Variants in LRRTM4 observed in about 807,000 individuals in gnomAD.
LRRTM4 encodes the protein leucine rich repeat transmembrane neuronal 4.
Under a neutral mutation model 47.6 loss-of-function variants are expected in LRRTM4, and 25 were observed. That is an observed-to-expected ratio of 0.53 (90% confidence interval 0.38 to 0.73). The LOEUF is 0.73. Ranked by LOEUF, LRRTM4 falls within the 30% of genes least tolerant of loss-of-function variation. The pLI, the probability that LRRTM4 is intolerant of heterozygous loss-of-function variation, is 0.00. For synonymous variants in LRRTM4, 311 were observed against 269.5 expected, an observed-to-expected ratio of 1.15 and a Z score of -1.51; for missense variants, 638 against 713.4, an observed-to-expected ratio of 0.89 and a Z score of 1.20.
chr2:77,062,954 TC>T (rs1261072071), intron 3 of LRRTM4, among the ~76,000 whole-genome samples: 2 of 101,436 alleles, frequency 2.0e-5, no homozygotes, highest in Non-Finnish European at 3.6e-5. Context: ...ATTATTATTA[TC>T]TTTTTTTTTT....
In LRRTM4 at chr2:76,942,676, C is replaced by CTGTGTGTGTG. The variant is rs61077287; in HGVS notation, c.1552-193770_1552-193761dup. 2.6e-3 allele frequency among the ~76,000 whole-genome samples: 392 copies of CTGTGTGTGTG among 148,308 alleles called. 1 individual carries two copies. The highest frequency in any genetic ancestry group is 4.9e-3 in the Admixed American group (73 of 14,858). ...GGTCAAGTAACCAACCTCTAGGAAT[C>CTGTGTGTGTG]TGTGTGTGTGTGTGTGTGTGTGTGT... On this transcript the variant is annotated intron_variant, in intron 3 of 3. Transcript: ENST00000409884.
chr2:77,479,046 C>T (rs1035175687), intron 3 of LRRTM4, among the ~76,000 whole-genome samples: 10 of 152,066 alleles, frequency 6.6e-5, no homozygotes, highest in Non-Finnish European at 1.0e-4. Flanking sequence ...AGGCATGTGC[C>T]ACCATGCCTG....
At chr2:76,964,877 TGG>T (rs1675973489) in intron 3 of LRRTM4, among the ~76,000 whole-genome samples, 1 of 150,846 alleles carries the variant, frequency 6.6e-6, no homozygotes, top group Non-Finnish European at 1.5e-5. Context: ...AATTTTCCCA[TGG>T]ACATTAAAAT....
At chr2:77,285,149 T>G (rs923327453) in intron 3 of LRRTM4, among the ~76,000 whole-genome samples, 2 of 151,762 alleles carry the variant, frequency 1.3e-5, no homozygotes, top group African/African-American at 4.8e-5. Context: ...GTGGGTTGTT[T>G]TCCTGCTCTT....
Position 77,513,901 on chromosome 2 carries a change from C to T in LRRTM4, c.1551+4417G>A, listed in dbSNP as rs183923926. Among the ~76,000 whole-genome samples the T allele has an allele frequency of 2.6e-3, 389 of 152,044 alleles. 3 individuals carry two copies. The highest frequency in any genetic ancestry group is 9.1e-3 in the African/African-American group (379 of 41,494). ...TTTTTCAGATATGATAATACATTTA[C>T]CTTAAGGGCCATATTCCTAACTAAA... is the stretch of plus-strand genomic sequence containing the variant. On this transcript the variant is annotated intron_variant, in intron 3 of 3. Coordinates refer to ENST00000409884, the MANE Select transcript of LRRTM4 (RefSeq NM_001134745.3).
chr2:76,899,035 G>A (rs982708602), intron 3 of LRRTM4, among the ~76,000 whole-genome samples: 2 of 151,952 alleles, frequency 1.3e-5, no homozygotes, highest in African/African-American at 4.8e-5. Flanking sequence ...TATGAGCAAA[G>A]CGTGTTGTAA....
intron 3 of LRRTM4, among the ~76,000 whole-genome samples, chr2:76,800,139 C>G (rs112700305): frequency 0.19 from 27,467 of 146,320 alleles, 2,786 homozygotes; most frequent in African/African-American, 0.25. Context: ...GAGCCCGCAT[C>G]GCCAAGTCAA....
intron 3 of LRRTM4, among the ~76,000 whole-genome samples, chr2:77,280,432 G>A (rs960068719): frequency 6.6e-5 from 10 of 152,050 alleles, no homozygotes; most frequent in Non-Finnish European, 1.5e-4. Context: ...GAAAACAAAT[G>A]CAAAGGAGCT....
intron 3 of LRRTM4, among the ~76,000 whole-genome samples, chr2:77,040,179 C>T (rs1187507360): frequency 1.3e-5 from 2 of 151,038 alleles, no homozygotes; most frequent in African/African-American, 2.4e-5. Flanking sequence ...CCATGTTTTT[C>T]CATTTAAATA....
chr2:77,121,683 A>G (rs1671523923), intron 3 of LRRTM4, among the ~76,000 whole-genome samples: 1 of 151,862 alleles, frequency 6.6e-6, no homozygotes, highest in South Asian at 2.1e-4. Flanking sequence ...AGAATGGCTA[A>G]CTGGACTTTC....
intron 3 of LRRTM4, among the ~76,000 whole-genome samples, chr2:77,476,161 G>A (rs770247941): frequency 1.3e-5 from 2 of 152,058 alleles, no homozygotes; most frequent in African/African-American, 2.4e-5. Context: ...GCTTACAGAT[G>A]TGAAAGATTC....
intron 3 of LRRTM4, among the ~76,000 whole-genome samples, chr2:77,049,339 T>C (rs1242300159): frequency 1.3e-5 from 2 of 151,470 alleles, no homozygotes; most frequent in Non-Finnish European, 2.9e-5. Flanking sequence ...GTGGTGAGAC[T>C]GTTGGATCAT....
In LRRTM4 at chr2:76,783,652, C is replaced by CGGAA. The variant is rs1413737386; in HGVS notation, c.1552-34737_1552-34736insTTCC. 3.9e-5 allele frequency among the ~76,000 whole-genome samples: 6 copies of CGGAA among 152,114 alleles called. No homozygotes were observed. In the East Asian group the frequency reaches 1.2e-3, roughly 30 times the overall value. On this transcript the variant is annotated intron_variant, in intron 3 of 3. Coordinates refer to ENST00000409884, the MANE Select transcript of LRRTM4 (RefSeq NM_001134745.3). Reference sequence around the variant, plus strand: ...AACAAGGAAATTAATTGATTTAATCCTGAATTAAAACTAATTCCGGGTAAA... The same window carrying CGGAA: ...AACAAGGAAATTAATTGATTTAATCCGGAATGAATTAAAACTAATTCCGGGTAAA...
chr2:77,199,418 A>T (rs1274276046), intron 3 of LRRTM4, among the ~76,000 whole-genome samples: 1 of 152,128 alleles, frequency 6.6e-6, no homozygotes, highest in Non-Finnish European at 1.5e-5. Context: ...CTGTGAGCTT[A>T]ACCATTTTGC....
At chr2:76,807,487 CATAT>C (rs1169217695) in intron 3 of LRRTM4, among the ~76,000 whole-genome samples, 2 of 92,412 alleles carry the variant, frequency 2.2e-5, no homozygotes, top group South Asian at 3.2e-4. Flanking sequence ...TATATATATA[CATAT>C]ATATATATAT....
intron 3 of LRRTM4, among the ~76,000 whole-genome samples, chr2:77,441,440 CTAA>C (rs1675838435): frequency 6.6e-6 from 1 of 152,100 alleles, no homozygotes; most frequent in Non-Finnish European, 1.5e-5. Context: ...TTACAATCAC[CTAA>C]TAAGTTTATA....
At chr2:77,384,854 T>C (rs1673202165) in intron 3 of LRRTM4, among the ~76,000 whole-genome samples, 1 of 152,148 alleles carries the variant, frequency 6.6e-6, no homozygotes, top group Non-Finnish European at 1.5e-5. Flanking sequence ...ATGTGAACTT[T>C]ATCTTGCTAT....
intron 3 of LRRTM4, among the ~76,000 whole-genome samples, chr2:76,859,805 A>T (rs1043512212): frequency 1.6e-4 from 24 of 152,014 alleles, no homozygotes; most frequent in Non-Finnish European, 3.4e-4. Flanking sequence ...CCTGGTTGTG[A>T]CCTGAACTTC....
chr2:76,884,865 C>A, intron 3 of LRRTM4, among the ~76,000 whole-genome samples: 1 of 151,578 alleles, frequency 6.6e-6, no homozygotes, highest in African/African-American at 2.4e-5. Flanking sequence ...CTTAAATGGC[C>A]AAGAGGGTAC....
Sources: gnomAD v4.1 joint callset for allele counts (sites outside exome capture counted in the v4.1 genomes callset) on GRCh38, gnomAD v4.1.1 for gene constraint, MANE v1.5 for transcripts, NCBI Gene and HGNC (gene_info 2026-07-23, HGNC 2026-07-21) for gene names.